PCDHGB7: variants seen among roughly 807,000 people sequenced by gnomAD.
PCDHGB7 encodes protocadherin gamma subfamily B, 7, also known as protocadherin gamma-B7.
In PCDHGB7, 37 loss-of-function variants were observed where a neutral mutation model predicts 61.4. The observed-to-expected ratio is 0.60, with a 90% CI of 0.46 to 0.79. The LOEUF is 0.79. Among genes scored for constraint, PCDHGB7 ranks in the 30% least tolerant of loss-of-function variants. The pLI is 0.00. For missense variants in PCDHGB7, 1,166 were observed against 1,202.5 expected (o/e 0.97, Z 0.45); for synonymous variants, 464 against 503.5 (o/e 0.92, Z 1.05).
chr5:141,509,199 GTC>G (rs1017134758), intron 3 of PCDHGB7, among the ~76,000 whole-genome samples: 1 of 152,070 alleles, frequency 6.6e-6, no homozygotes, highest in Non-Finnish European at 1.5e-5. Context: ...AATATTTCCT[GTC>G]TCTCTATTTC....
In PCDHGB7 at chr5:141,485,146, G is replaced by C; in HGVS notation, c.2416-9661G>C. 6.4e-7 allele frequency: 1 copy of C among 1,569,470 alleles called. No individual in the cohort carries two copies. Among genetic ancestry groups the C allele is most frequent in the Non-Finnish European group, 8.7e-7 (1 of 1,143,568 alleles). On this transcript the variant is annotated intron_variant, in intron 1 of 3. Transcript: ENST00000398594. The surrounding 1 kb of genome is among the most constrained non-coding windows in gnomAD (Gnocchi z 5.7). Reference sequence around the variant, plus strand: ...GGTCGGCTTCATCCGCGTCTCAGGAGCAAGTAGAGAATTAGCGGGCGGCAG... The same window carrying C: ...GGTCGGCTTCATCCGCGTCTCAGGACCAAGTAGAGAATTAGCGGGCGGCAG...
chr5:141,484,944 AG>A (rs1354711871), intron 1 of PCDHGB7: 1 of 546,450 alleles, frequency 1.8e-6, no homozygotes, highest in Non-Finnish European at 3.3e-6. Context: ...TTCTCTGCTC[AG>A]CCTATTGGCT....
chr5:141,494,756 A>G (rs780402065), intron 1 of PCDHGB7, 51 bp from the exon 2 acceptor site: 2 of 1,613,460 alleles, frequency 1.2e-6, no homozygotes, highest in South Asian at 1.1e-5. Context: ...CTCGGGTGAC[A>G]TTCTAACTTC....
chr5:141,502,601 A>G (rs2099815205), intron 2 of PCDHGB7, among the ~76,000 whole-genome samples: 1 of 152,218 alleles, frequency 6.6e-6, no homozygotes, highest in Non-Finnish European at 1.5e-5. Flanking sequence ...ATATTTTAAA[A>G]TATTTGTGAA....
At chr5:141,421,144 G>A (rs1241874764) in intron 1 of PCDHGB7, 1 of 999,180 alleles carries the variant, frequency 1.0e-6, no homozygotes, top group African/African-American at 1.6e-5. Flanking sequence ...TTTGGATGTA[G>A]TCGGCCTAGG....
In PCDHGB7 at chr5:141,417,702, A is replaced by G. The variant is rs2096149298; in HGVS notation, c.-158A>G. ...AACAGAAAAGAAAACCAGCTCCCAC[A>G]CAGAGGCTCCCGGCTGCGCAGACCT... is the stretch of plus-strand genomic sequence containing the variant. On this transcript the variant is annotated 5_prime_UTR_variant, in exon 1 of 4. Transcript: ENST00000398594. 1.7e-6 allele frequency: 2 copies of G among 1,199,336 alleles called. No individual in the cohort carries two copies. The highest frequency in any genetic ancestry group is 1.1e-6 in the Non-Finnish European group (1 of 886,584). 74.3% of individuals were successfully genotyped at this position (1,199,336 alleles called of 1,614,324 possible).
chr5:141,478,668 T>G (rs1411369994), intron 1 of PCDHGB7: 40 of 1,551,660 alleles, frequency 2.6e-5, no homozygotes, highest in Non-Finnish European at 3.4e-5. Flanking sequence ...CATTCACACT[T>G]TCAACTGGCC....
intron 1 of PCDHGB7, chr5:141,423,835 C>T (rs1371309974): frequency 1.2e-5 from 15 of 1,278,290 alleles, no homozygotes; most frequent in African/African-American, 9.4e-5. Flanking sequence ...CATGAGATTA[C>T]GATAATCTTT....
chr5:141,491,705 G>A lies in PCDHGB7; in HGVS notation c.2416-3102G>A. ...ACGCTGCGGGAGCGGAGCCAGGTGA[G>A]GGGCTCGGCGCCGCCCCGGGCGACC... is the stretch of plus-strand genomic sequence containing the variant. On this transcript the variant is annotated intron_variant, in intron 1 of 3. Transcript: ENST00000398594. The surrounding 1 kb of genome is among the most constrained non-coding windows in gnomAD (Gnocchi z 6.9). 1 of 1,611,064 alleles carries A rather than the reference G, an allele frequency of 6.2e-7. No homozygotes were observed. Among genetic ancestry groups the A allele is most frequent in the South Asian group, 1.1e-5 (1 of 90,828 alleles).
At chr5:141,451,535 A>G (rs150174911) in intron 1 of PCDHGB7, among the ~76,000 whole-genome samples, 2 of 152,328 alleles carry the variant, frequency 1.3e-5, no homozygotes, top group Non-Finnish European at 2.9e-5. Flanking sequence ...GGAGAGTGCC[A>G]GAGAGGGCAA....
chr5:141,475,852 G>A, intron 1 of PCDHGB7: 1 of 467,402 alleles, frequency 2.1e-6, no homozygotes, highest in East Asian at 3.7e-5. Context: ...AGAGCCCGGC[G>A]CTAGCTCATT....
At chr5:141,483,816 A>G (rs2099587505) in intron 1 of PCDHGB7, among the ~76,000 whole-genome samples, 1 of 152,172 alleles carries the variant, frequency 6.6e-6, no homozygotes, top group Admixed American at 6.5e-5. Context: ...TTTGGCAGCC[A>G]GTGTAACCTA....
At chr5:141,495,771 C>T (rs941051365) in intron 2 of PCDHGB7, among the ~76,000 whole-genome samples, 1 of 152,110 alleles carries the variant, frequency 6.6e-6, no homozygotes, top group Non-Finnish European at 1.5e-5. Flanking sequence ...TGTCCTTGTC[C>T]TGGACCTCTT....
intron 2 of PCDHGB7, among the ~76,000 whole-genome samples, chr5:141,503,100 G>A (rs563699751): frequency 6.6e-6 from 1 of 151,592 alleles, no homozygotes; most frequent in South Asian, 2.1e-4. Context: ...TGGTCTGCCC[G>A]CCCCTGCCTC....
At chr5:141,510,040 G>A (rs2099879305) in intron 3 of PCDHGB7, among the ~76,000 whole-genome samples, 1 of 152,220 alleles carries the variant, frequency 6.6e-6, no homozygotes, top group Non-Finnish European at 1.5e-5. Flanking sequence ...GTTATGTAGA[G>A]GTTAAAAGTG....
intron 1 of PCDHGB7, among the ~76,000 whole-genome samples, chr5:141,492,421 C>G (rs986772215): frequency 5.9e-5 from 9 of 152,250 alleles, no homozygotes; most frequent in African/African-American, 1.9e-4. Context: ...CTCCCTCCGC[C>G]GGGCTCAGGA....
intron 1 of PCDHGB7, among the ~76,000 whole-genome samples, chr5:141,448,115 T>A (rs62379166): frequency 0.025 from 3,743 of 151,768 alleles, 65 homozygotes; most frequent in Middle Eastern, 0.086. Flanking sequence ...GAAAAGAAAA[T>A]TAGCCTCCCC....
chr5:141,485,549 G>T lies in PCDHGB7; in HGVS notation c.2416-9258G>T. 1 of 1,614,030 alleles carries T rather than the reference G, an allele frequency of 6.2e-7. No homozygotes were observed. Among genetic ancestry groups the T allele is most frequent in the Non-Finnish European group, 8.5e-7 (1 of 1,179,922 alleles). On this transcript the variant is annotated intron_variant, in intron 1 of 3. Coordinates refer to ENST00000398594, the MANE Select transcript of PCDHGB7 (RefSeq NM_018927.4). The surrounding 1 kb of genome is among the most constrained non-coding windows in gnomAD (Gnocchi z 5.7). Reference sequence around the variant, plus strand: ...CCGAGCAGAGGTAGAGATCGTAGATGTGAATGATCACGCCCCCCGTTTTCC... The same window carrying T: ...CCGAGCAGAGGTAGAGATCGTAGATTTGAATGATCACGCCCCCCGTTTTCC...
intron 1 of PCDHGB7, chr5:141,421,287 C>T: frequency 1.2e-6 from 2 of 1,613,240 alleles, no homozygotes; most frequent in Non-Finnish European, 1.7e-6. Flanking sequence ...TGTGCATTTT[C>T]CTGGGGACGC....
Sources: allele counts gnomAD v4.1 joint callset (sites outside exome capture counted in the v4.1 genomes callset), GRCh38; gene constraint gnomAD v4.1.1; non-coding constraint Gnocchi (gnomAD v3.1); transcripts MANE v1.5; gene names NCBI Gene and HGNC (gene_info 2026-07-23, HGNC 2026-07-21).